DOK5: variants seen among roughly 807,000 people sequenced by gnomAD.
The protein encoded by DOK5 is downstream of tyrosine kinase 5.
DOK5 carries 27 observed loss-of-function variants against 43.3 expected under a neutral mutation model. The ratio of observed to expected loss-of-function variants is 0.62; its 90% confidence interval spans 0.46 to 0.86. The LOEUF (loss-of-function observed/expected upper bound fraction) is 0.86, where lower values mean the gene tolerates loss of function less well. Among genes scored for constraint, DOK5 ranks in the 40% least tolerant of loss-of-function variants. DOK5 has a pLI of 0.00. For missense variants in DOK5, 373 were observed against 392.9 expected, an observed-to-expected ratio of 0.95 and a Z score of 0.43; for synonymous variants, 146 against 140.1, an observed-to-expected ratio of 1.04 and a Z score of -0.30.
chr20:54,528,301 C>T (rs1320914207), intron 1 of DOK5, among the ~76,000 whole-genome samples: 1 of 151,736 alleles, frequency 6.6e-6, no homozygotes, highest in African/African-American at 2.4e-5. Flanking sequence ...CTGCAGATAC[C>T]CTCAAACTCA....
intron 6 of DOK5, among the ~76,000 whole-genome samples, chr20:54,631,534 G>A (rs1045695923): frequency 2.6e-5 from 4 of 152,128 alleles, no homozygotes; most frequent in African/African-American, 9.7e-5. Context: ...ATACCAATAT[G>A]TCAAAAGTGG....
chr20:54,628,690 G>A (rs992597707), intron 6 of DOK5, among the ~76,000 whole-genome samples: 2 of 151,986 alleles, frequency 1.3e-5, no homozygotes, highest in Non-Finnish European at 2.9e-5. Context: ...AGTTTGTATC[G>A]ATTAAATGAA....
In DOK5 at chr20:54,650,550, T is replaced by C; in HGVS notation, c.*71T>C. The C allele has an allele frequency of 1.4e-6, 2 of 1,461,546 alleles. No individual in the cohort carries two copies. The highest frequency in any genetic ancestry group is 4.6e-5 in the East Asian group (2 of 43,820). The allele number at this position is 1,461,546 out of a possible 1,614,324, so 90.5% of individuals were successfully genotyped here. A position where few individuals can be genotyped will look rare whatever the true frequency, so the allele number is the denominator to read the frequency against. On this transcript the variant is annotated 3_prime_UTR_variant, in exon 8 of 8. Transcript: ENST00000262593. ...CAGATTCACCCAGGAGGTCACAGAA[T>C]GACAGCAAGGGAAATGACGACCAAG...
chr20:54,622,944 G>A (rs1987028329), intron 6 of DOK5, among the ~76,000 whole-genome samples: 1 of 152,098 alleles, frequency 6.6e-6, no homozygotes, highest in East Asian at 1.9e-4. Flanking sequence ...TTGAAATGGT[G>A]GTAGCAGGGC....
At chr20:54,494,573 G>A (rs1316691629) in intron 1 of DOK5, among the ~76,000 whole-genome samples, 1 of 152,186 alleles carries the variant, frequency 6.6e-6, no homozygotes, top group Non-Finnish European at 1.5e-5. Flanking sequence ...TTTAGGCAAG[G>A]TAGCTTGGCC....
chr20:54,519,171 A>G (rs934327097), intron 1 of DOK5, among the ~76,000 whole-genome samples: 1 of 152,238 alleles, frequency 6.6e-6, no homozygotes, highest in Non-Finnish European at 1.5e-5. Context: ...ATGCTCCAAC[A>G]TAAGTTTGAT....
chr20:54,609,851 A>G (rs1986587224), intron 5 of DOK5, among the ~76,000 whole-genome samples: 1 of 152,242 alleles, frequency 6.6e-6, no homozygotes, highest in Admixed American at 6.5e-5. Context: ...AATTAACTGC[A>G]TTTGATCCAT....
At chr20:54,604,474 T>A (rs935815238) in intron 5 of DOK5, among the ~76,000 whole-genome samples, 1 of 151,976 alleles carries the variant, frequency 6.6e-6, no homozygotes, top group Non-Finnish European at 1.5e-5. Flanking sequence ...CATGCAACCA[T>A]GATATTATTC....
chr20:54,644,445 C>T (rs1205965505), intron 7 of DOK5, among the ~76,000 whole-genome samples: 6 of 152,062 alleles, frequency 3.9e-5, no homozygotes, highest in Non-Finnish European at 7.4e-5. Flanking sequence ...TGGCTCACGC[C>T]TGTAATCCCA....
chr20:54,604,813 C>G (rs1986412861), intron 5 of DOK5, among the ~76,000 whole-genome samples: 1 of 151,756 alleles, frequency 6.6e-6, no homozygotes, highest in Non-Finnish European at 1.5e-5. Flanking sequence ...CCAGCCTGGC[C>G]AAGATGGTGA....
At chr20:54,552,157 A>C (rs1039638365) in intron 1 of DOK5, among the ~76,000 whole-genome samples, 1 of 152,204 alleles carries the variant, frequency 6.6e-6, no homozygotes, top group African/African-American at 2.4e-5. Context: ...TAAACAAAAC[A>C]AAAACTAACA....
At chr20:54,601,166 G>A (rs1050435167) in intron 5 of DOK5, among the ~76,000 whole-genome samples, 2 of 152,248 alleles carry the variant, frequency 1.3e-5, no homozygotes, top group African/African-American at 4.8e-5. Context: ...GTGAGCACTG[G>A]GGCTGAGGAT....
At chr20:54,634,346 C>T (rs1285094909) in intron 6 of DOK5, among the ~76,000 whole-genome samples, 1 of 151,448 alleles carries the variant, frequency 6.6e-6, no homozygotes, top group African/African-American at 2.4e-5. Context: ...GACCATGCTT[C>T]AGCCAGTTGT....
intron 6 of DOK5, among the ~76,000 whole-genome samples, chr20:54,632,042 C>T (rs539738666): frequency 1.3e-4 from 20 of 152,332 alleles, no homozygotes; most frequent in South Asian, 4.1e-4. Flanking sequence ...GACCCCTCCC[C>T]GCTTTTTGGT....
intron 1 of DOK5, among the ~76,000 whole-genome samples, chr20:54,524,823 T>C (rs1310864632): frequency 6.6e-6 from 1 of 152,246 alleles, no homozygotes; most frequent in Non-Finnish European, 1.5e-5. Context: ...AGCTTATAGC[T>C]GAAACTGATC....
At chr20:54,502,852 A>T (rs1982663751) in intron 1 of DOK5, among the ~76,000 whole-genome samples, 1 of 152,218 alleles carries the variant, frequency 6.6e-6, no homozygotes, top group Non-Finnish European at 1.5e-5. Context: ...ATATTTTATC[A>T]TTATTATAAA....
intron 1 of DOK5, among the ~76,000 whole-genome samples, chr20:54,536,576 G>C (rs1983969157): frequency 6.6e-6 from 1 of 152,114 alleles, no homozygotes; most frequent in Non-Finnish European, 1.5e-5. Flanking sequence ...ACACATGGAG[G>C]TAAAGAAGCC....
chr20:54,550,775 G>T (rs1292287241), intron 1 of DOK5, among the ~76,000 whole-genome samples: 3 of 152,120 alleles, frequency 2.0e-5, no homozygotes, highest in Admixed American at 6.5e-5. Flanking sequence ...ATGTACCACA[G>T]TTCGTTTAAT....
At chr20:54,551,615 C>A (rs1441801415) in intron 1 of DOK5, among the ~76,000 whole-genome samples, 2 of 152,158 alleles carry the variant, frequency 1.3e-5, no homozygotes, top group Non-Finnish European at 2.9e-5. Flanking sequence ...TTTTCCACCC[C>A]CCTCCATGGA....
Sources: allele counts gnomAD v4.1 joint callset (sites outside exome capture counted in the v4.1 genomes callset), GRCh38; gene constraint gnomAD v4.1.1; transcripts MANE v1.5; gene names NCBI Gene and HGNC (gene_info 2026-07-23, HGNC 2026-07-21).